Variants in PPIH observed in about 807,000 individuals in gnomAD.
The protein encoded by PPIH is peptidylprolyl isomerase H.
A neutral mutation model predicts 27.6 loss-of-function variants in PPIH; 16 were observed. The observed-to-expected ratio is 0.58, with a 90% CI of 0.39 to 0.88. The LOEUF is 0.88. Among genes scored for constraint, PPIH ranks in the 40% least tolerant of loss-of-function variants. The pLI is 0.00. For missense variants in PPIH, 155 were observed against 224.1 expected (o/e 0.69, Z 1.97); for synonymous variants, 63 against 76.1 (o/e 0.83, Z 0.90).
At chr1:42,674,851 C>T (rs775576792) in intron 9 of PPIH, among the ~76,000 whole-genome samples, 12 of 152,208 alleles carry the variant, frequency 7.9e-5, no homozygotes, top group Non-Finnish European at 1.3e-4. Context: ...AACTCAGAAG[C>T]TCTGCCAGCT....
intron 3 of PPIH, 76 bp from the exon 4 acceptor site, chr1:42,659,446 G>C: frequency 6.2e-7 from 1 of 1,614,054 alleles, no homozygotes; most frequent in African/African-American, 1.3e-5. Context: ...GAGTCCTTTT[G>C]GCTCCAGTGC....
intron 6 of PPIH, 60 bp from the exon 7 acceptor site, chr1:42,665,920 C>G: frequency 7.2e-7 from 1 of 1,393,060 alleles, no homozygotes; most frequent in Non-Finnish European, 1.0e-6. Flanking sequence ...TTTTGGAAAT[C>G]TTGCCCTTCA....
chr1:42,668,417 C>G (rs1281531529), intron 9 of PPIH, among the ~76,000 whole-genome samples: 1 of 151,936 alleles, frequency 6.6e-6, no homozygotes, highest in Non-Finnish European at 1.5e-5. Flanking sequence ...TTCCTTTACC[C>G]TTTCTTCTTC....
chr1:42,667,835 G>A (rs916488356), intron 9 of PPIH, among the ~76,000 whole-genome samples: 1 of 152,224 alleles, frequency 6.6e-6, no homozygotes, highest in Non-Finnish European at 1.5e-5. Flanking sequence ...AGGCCAGGCA[G>A]CCAGGAGACA....
intron 4 of PPIH, 59 bp downstream of exon 4, chr1:42,659,625 C>A: frequency 6.4e-7 from 1 of 1,574,196 alleles, no homozygotes; most frequent in South Asian, 1.2e-5. Flanking sequence ...GGGGATTAGG[C>A]TCTTTAGAGG....
At chr1:42,666,129 A>G in intron 7 of PPIH, 62 bp downstream of exon 7, 1 of 1,488,688 alleles carries the variant, frequency 6.7e-7, no homozygotes, top group South Asian at 1.1e-5. Flanking sequence ...CCTCCAGAGG[A>G]GTTAGTTCTC....
chr1:42,664,184 C>T (rs1649201873), intron 5 of PPIH, among the ~76,000 whole-genome samples: 1 of 152,184 alleles, frequency 6.6e-6, no homozygotes, highest in Admixed American at 6.5e-5. Context: ...AGAACCAAGG[C>T]AGTTCTTTAT....
intron 5 of PPIH, among the ~76,000 whole-genome samples, chr1:42,664,051 G>A (rs1268634184): frequency 1.3e-5 from 2 of 152,212 alleles, no homozygotes; most frequent in Non-Finnish European, 2.9e-5. Context: ...ATTCCTCAAG[G>A]TTGCTGGAAG....
Position 42,665,982 on chromosome 1 carries a change from G to A in PPIH, c.339G>A (p.Ala113=), listed in dbSNP as rs12244. The change falls in exon 7 of 10, where the codon GCG becomes GCA. Residue 113 remains alanine, a splice_region_variant and synonymous_variant. Coordinates refer to ENST00000304979, the MANE Select transcript of PPIH (RefSeq NM_006347.4). ...RHSAPGLLSM[A]NSGPSTNGCQ... ...CAGGTATATTTGGTTTCCATCAGGC[G>A]AACAGTGGTCCAAGTACAAATGGCT... 0.12 allele frequency: 194,648 copies of A among 1,613,192 alleles called. 13,473 individuals are homozygous for A. Among genetic ancestry groups the A allele is most frequent in the East Asian group, 0.27 (12,055 of 44,850 alleles).
At chr1:42,659,698 ACT>A in intron 4 of PPIH, 132 bp downstream of exon 4, 21 of 1,367,442 alleles carry the variant, frequency 1.5e-5, no homozygotes, top group Non-Finnish European at 2.0e-5. Flanking sequence ...GGACTCAACA[ACT>A]GAAGATTTAT....
downstream of PPIH, among the ~76,000 whole-genome samples, chr1:42,678,460 C>T (rs897153369): frequency 3.3e-5 from 5 of 152,154 alleles, no homozygotes; most frequent in Admixed American, 2.0e-4. Context: ...AGTGCAATGG[C>T]GCGATCTTGG....
Position 42,667,444 on chromosome 1 carries a change from A to AGT in PPIH, c.*21+9_*21+10dup. The AGT allele has an allele frequency of 6.4e-7, 1 of 1,558,018 alleles. No individual in the cohort carries two copies. The highest frequency in any genetic ancestry group is 8.9e-7 in the Non-Finnish European group (1 of 1,129,280). ...GTCCAGACAAAGACTGAATCAGGTA[A>AGT]GTGTGTCTTTCTCCTATTAGGTTAG... On this transcript the variant is annotated splice_donor_region_variant and intron_variant, in intron 9 of 9. Transcript: ENST00000304979.
chr1:42,659,391 C>G (rs555373063), intron 3 of PPIH, 131 bp from the exon 4 acceptor site: 1 of 1,614,004 alleles, frequency 6.2e-7, no homozygotes, highest in Non-Finnish European at 8.5e-7. Flanking sequence ...AAGGGTCTGT[C>G]CCTAGTTTAT....
At chr1:42,659,141 C>A in intron 2 of PPIH, 87 bp from the exon 3 acceptor site, 1 of 1,578,568 alleles carries the variant, frequency 6.3e-7, no homozygotes, top group Non-Finnish European at 8.6e-7. Flanking sequence ...GACTTGCTGG[C>A]TCCAGTGTTT....
In PPIH at chr1:42,667,336, T is replaced by C. The variant is rs1367204171; in HGVS notation, c.466-15T>C. 6.3e-7 allele frequency: 1 copy of C among 1,583,428 alleles called. No homozygotes were observed. The highest frequency in any genetic ancestry group is 8.7e-7 in the Non-Finnish European group (1 of 1,152,298). ...TGCCTGAGTGGATGAATCTCCATTG[T>C]GCTTTTTTTCCTAGAATGTTCCCAC... is the stretch of plus-strand genomic sequence containing the variant. On this transcript the variant is annotated splice_polypyrimidine_tract_variant and intron_variant, in intron 8 of 9. Transcript: ENST00000304979.
chr1:42,676,555 C>T (rs1557523031), intron 9 of PPIH, 29 bp from the exon 10 acceptor site: 1 of 151,664 alleles, frequency 6.6e-6, no homozygotes, highest in South Asian at 2.1e-4. Context: ...CCCCATCCCA[C>T]ACTGACCTCC....
At chr1:42,673,426 C>T (rs1649740651) in intron 9 of PPIH, among the ~76,000 whole-genome samples, 1 of 152,180 alleles carries the variant, frequency 6.6e-6, no homozygotes, top group Admixed American at 6.5e-5. Flanking sequence ...TTTGAAAGCC[C>T]GAGTTCTGGC....
chr1:42,667,998 T>C (rs1269981561), intron 9 of PPIH, among the ~76,000 whole-genome samples: 2 of 152,220 alleles, frequency 1.3e-5, no homozygotes, highest in South Asian at 2.1e-4. Flanking sequence ...CTGGGCAGCA[T>C]GCTAGCTGCA....
intron 9 of PPIH, among the ~76,000 whole-genome samples, chr1:42,671,842 G>A (rs1193318559): frequency 6.6e-6 from 1 of 151,912 alleles, no homozygotes; most frequent in Non-Finnish European, 1.5e-5. Flanking sequence ...GGAGGGAAGG[G>A]AAGTGGTATT....
Sources: gnomAD v4.1 joint callset for allele counts (sites outside exome capture counted in the v4.1 genomes callset) on GRCh38, gnomAD v4.1.1 for gene constraint, MANE v1.5 for transcripts, NCBI Gene and HGNC (gene_info 2026-07-23, HGNC 2026-07-21) for gene names.